KCNQ3: variants seen among roughly 807,000 people sequenced by gnomAD.
The protein encoded by KCNQ3 is potassium voltage-gated channel subfamily KQT member 3.
KCNQ3 carries 30 observed loss-of-function variants against 92.5 expected under a neutral mutation model. The ratio of observed to expected loss-of-function variants is 0.32; its 90% CI spans 0.24 to 0.44. The LOEUF (loss-of-function observed/expected upper bound fraction) is 0.44, where lower values mean the gene tolerates loss of function less well. Ranked by LOEUF, KCNQ3 falls within the 20% of genes least tolerant of loss-of-function variation. The pLI, the probability that KCNQ3 is intolerant of heterozygous loss-of-function variation, is 1.00. For synonymous variants in KCNQ3, 450 were observed against 468.8 expected (o/e 0.96, Z 0.52); for missense variants, 913 against 1,140.3 (o/e 0.80, Z 2.87).
chr8:132,224,014 C>T (rs999400248), intron 1 of KCNQ3, among the ~76,000 whole-genome samples: 1 of 149,894 alleles, frequency 6.7e-6, no homozygotes, highest in Non-Finnish European at 1.5e-5. Context: ...CTCATGGCCT[C>T]AAGCAATCTT....
At chr8:132,403,737 C>A (rs1226819381) in intron 1 of KCNQ3, among the ~76,000 whole-genome samples, 1 of 152,214 alleles carries the variant, frequency 6.6e-6, no homozygotes, top group Non-Finnish European at 1.5e-5. Flanking sequence ...CAGCCCCGGG[C>A]CTCTGGTTTG....
chr8:132,433,465 G>A (rs7820241), intron 1 of KCNQ3, among the ~76,000 whole-genome samples: 2,153 of 152,266 alleles, frequency 0.014, 37 homozygotes, highest in African/African-American at 0.05. Context: ...TCTGAAAATC[G>A]CCATGGAGAA....
intron 1 of KCNQ3, among the ~76,000 whole-genome samples, chr8:132,406,583 A>G (rs1820487944): frequency 6.6e-6 from 1 of 151,976 alleles, no homozygotes; most frequent in Non-Finnish European, 1.5e-5. Context: ...ACACAGAAAG[A>G]CACAGGCACA....
intron 10 of KCNQ3, 175 bp downstream of exon 10, chr8:132,140,954 C>A: frequency 3.0e-6 from 2 of 656,936 alleles, no homozygotes; most frequent in Non-Finnish European, 2.7e-6. Context: ...CACAATGCCT[C>A]AGCCCAAGGG....
intron 1 of KCNQ3, among the ~76,000 whole-genome samples, chr8:132,321,870 C>A (rs149143802): frequency 6.6e-6 from 1 of 152,172 alleles, no homozygotes; most frequent in Non-Finnish European, 1.5e-5. Context: ...CCCACCTCCC[C>A]ACCTGTACTG....
In KCNQ3 at chr8:132,123,660, C is replaced by T. The variant is rs1387413865; in HGVS notation, c.*5602G>A. On this transcript the variant is annotated 3_prime_UTR_variant, in exon 15 of 15. Transcript: ENST00000388996. ...TTCCAGATTTATTCTGTGACTCAAT[C>T]ACTGCTTCAATCACTGAGGGACGTG... The T allele has an allele frequency of 6.6e-6, 1 of 152,188 alleles. No individual in the cohort carries two copies. Among genetic ancestry groups the T allele is most frequent in the African/African-American group, 2.4e-5 (1 of 41,450 alleles). The allele number at this position is 152,188 out of a possible 1,614,324, so 9.4% of individuals were successfully genotyped here.
intron 1 of KCNQ3, among the ~76,000 whole-genome samples, chr8:132,250,719 A>G (rs182967749): frequency 1.7e-4 from 26 of 152,282 alleles, no homozygotes; most frequent in African/African-American, 5.3e-4. Context: ...GGTGTCTCAC[A>G]GGATGCATGG....
At chr8:132,130,631 C>T (rs1013424142) in intron 14 of KCNQ3, among the ~76,000 whole-genome samples, 2 of 152,080 alleles carry the variant, frequency 1.3e-5, no homozygotes, top group Admixed American at 6.5e-5. Context: ...TAATGTTGCC[C>T]GGGTCAAGGA....
intron 11 of KCNQ3, among the ~76,000 whole-genome samples, chr8:132,139,725 C>T (rs1411765356): frequency 6.6e-6 from 1 of 152,104 alleles, no homozygotes; most frequent in Non-Finnish European, 1.5e-5. Context: ...CCATTTTGAG[C>T]AAGAAGCCTC....
intron 4 of KCNQ3, among the ~76,000 whole-genome samples, chr8:132,176,912 A>G (rs1238118590): frequency 6.6e-6 from 1 of 152,116 alleles, no homozygotes; most frequent in East Asian, 1.9e-4. Flanking sequence ...TACGGGTGTG[A>G]GTTTGGTCTA....
chr8:132,165,439 TA>T (rs1177911830), intron 8 of KCNQ3, among the ~76,000 whole-genome samples: 4 of 152,246 alleles, frequency 2.6e-5, no homozygotes, highest in African/African-American at 9.6e-5. Flanking sequence ...CAGAGTGTTC[TA>T]GATCATGGTT....
intron 1 of KCNQ3, among the ~76,000 whole-genome samples, chr8:132,217,432 C>A (rs1814072608): frequency 2.0e-5 from 3 of 152,096 alleles, no homozygotes; most frequent in African/African-American, 7.2e-5. Context: ...GAGAGTCGGC[C>A]GGACACGGTG....
chr8:132,220,228 A>G (rs1253664817), intron 1 of KCNQ3, among the ~76,000 whole-genome samples: 1 of 152,126 alleles, frequency 6.6e-6, no homozygotes, highest in East Asian at 1.9e-4. Context: ...TCTGCAGCAG[A>G]CTAGACTGAC....
intron 1 of KCNQ3, among the ~76,000 whole-genome samples, chr8:132,298,561 G>A (rs1320649523): frequency 6.6e-6 from 1 of 152,106 alleles, no homozygotes; most frequent in Non-Finnish European, 1.5e-5. Context: ...AGATGGGGTG[G>A]GGGAGCCTTA....
intron 9 of KCNQ3, among the ~76,000 whole-genome samples, chr8:132,161,381 C>A (rs1825982740): frequency 6.6e-6 from 1 of 152,170 alleles, no homozygotes; most frequent in African/African-American, 2.4e-5. Flanking sequence ...GTAATCCCAG[C>A]ACTATGGGAG....
chr8:132,413,085 T>C lies in KCNQ3; in HGVS notation c.386+67062A>G, dbSNP rs1218434427. On this transcript the variant is annotated intron_variant, in intron 1 of 14. Transcript: ENST00000388996. Reference sequence around the variant, plus strand: ...GTGAAAAAATGAGTGAATGAATGAATGCACAAACTTATCTCCCATTTCCAA... The same window carrying C: ...GTGAAAAAATGAGTGAATGAATGAACGCACAAACTTATCTCCCATTTCCAA... 8.5e-5 allele frequency among the ~76,000 whole-genome samples: 13 copies of C among 152,232 alleles called. 1 individual carries two copies. Among genetic ancestry groups the C allele is most frequent in the South Asian group, 6.2e-4 (3 of 4,828 alleles).
chr8:132,350,643 T>A (rs1470100444), intron 1 of KCNQ3, among the ~76,000 whole-genome samples: 1 of 152,184 alleles, frequency 6.6e-6, no homozygotes, highest in African/African-American at 2.4e-5. Flanking sequence ...GGGACTGCAT[T>A]TTCCATCTCC....
intron 1 of KCNQ3, among the ~76,000 whole-genome samples, chr8:132,334,591 C>A (rs1462389243): frequency 6.6e-6 from 1 of 152,188 alleles, no homozygotes; most frequent in Non-Finnish European, 1.5e-5. Context: ...TAAATGATCT[C>A]CCCACAGTGG....
intron 8 of KCNQ3, among the ~76,000 whole-genome samples, chr8:132,166,792 A>T (rs1826155998): frequency 6.6e-6 from 1 of 152,230 alleles, no homozygotes; most frequent in Non-Finnish European, 1.5e-5. Flanking sequence ...GTGATATGGC[A>T]TCATGTTGCA....
Sources: allele counts gnomAD v4.1 joint callset (sites outside exome capture counted in the v4.1 genomes callset), GRCh38; gene constraint gnomAD v4.1.1; transcripts MANE v1.5; gene names NCBI Gene and HGNC (gene_info 2026-07-23, HGNC 2026-07-21).